ADTRP: variants seen among roughly 807,000 people sequenced by gnomAD.
ADTRP encodes androgen dependent TFPI regulating protein, also known as androgen-dependent TFPI-regulating protein.
Under a neutral mutation model 27.0 loss-of-function variants are expected in ADTRP, and 20 were observed. That is an observed-to-expected ratio of 0.74 (90% CI 0.52 to 1.08). The LOEUF (loss-of-function observed/expected upper bound fraction) is 1.08, where lower values mean the gene tolerates loss of function less well. Among genes scored for constraint, ADTRP ranks in the 50% least tolerant of loss-of-function variants. ADTRP has a pLI of 0.00. For missense variants in ADTRP, 251 were observed against 275.0 expected (o/e 0.91, Z 0.62); for synonymous variants, 101 against 105.2 (o/e 0.96, Z 0.25).
intron 3 of ADTRP, among the ~76,000 whole-genome samples, chr6:11,747,444 A>G (rs1762903572): frequency 6.6e-6 from 1 of 152,142 alleles, no homozygotes; most frequent in African/African-American, 2.4e-5. Flanking sequence ...CTGAATTTTC[A>G]TGGGTAAATT....
chr6:11,740,073 G>A (rs1477445147), intron 3 of ADTRP, among the ~76,000 whole-genome samples: 1 of 152,126 alleles, frequency 6.6e-6, no homozygotes, highest in South Asian at 2.1e-4. Context: ...TAAATACACT[G>A]ACTTTGACCC....
intron 3 of ADTRP, chr6:11,736,220 AACACACAC>A (rs35684305): frequency 6.3e-6 from 1 of 159,214 alleles, no homozygotes; most frequent in Non-Finnish European, 1.4e-5. Context: ...CCTCTCCTAA[AACACACAC>A]ACACACACAC....
At chr6:11,723,657 G>A (rs1388871165) in intron 4 of ADTRP, among the ~76,000 whole-genome samples, 157 bp from the exon 5 acceptor site, 1 of 152,196 alleles carries the variant, frequency 6.6e-6, no homozygotes, top group East Asian at 1.9e-4. Flanking sequence ...CTAAAGAAGT[G>A]AGGCTTTTCT....
intron 3 of ADTRP, among the ~76,000 whole-genome samples, chr6:11,758,849 A>G (rs1351784508): frequency 6.6e-6 from 1 of 152,104 alleles, no homozygotes; most frequent in East Asian, 1.9e-4. Flanking sequence ...TCTGGCTGCA[A>G]AAAGGAACAT....
At chr6:11,770,178 G>C (rs1193452369) in intron 1 of ADTRP, 50 of 1,214,694 alleles carry the variant, frequency 4.1e-5, no homozygotes, top group Non-Finnish European at 5.9e-5. Flanking sequence ...ATTATCTCCA[G>C]GTGGGAGAAT....
chr6:11,734,888 T>C (rs923096924), intron 4 of ADTRP, among the ~76,000 whole-genome samples: 2 of 152,196 alleles, frequency 1.3e-5, no homozygotes, highest in African/African-American at 4.8e-5. Flanking sequence ...GCCTCTTTCT[T>C]TCAGAAGGAA....
chr6:11,769,859 C>T (rs1763707295), intron 1 of ADTRP, among the ~76,000 whole-genome samples: 1 of 151,818 alleles, frequency 6.6e-6, no homozygotes, highest in Admixed American at 6.6e-5. Flanking sequence ...TGAATGAGAC[C>T]CAAGTTTAGC....
At chr6:11,763,904 A>T (rs1326932638) in intron 3 of ADTRP, among the ~76,000 whole-genome samples, 1 of 152,232 alleles carries the variant, frequency 6.6e-6, no homozygotes, top group Non-Finnish European at 1.5e-5. Context: ...CCTGAGGCCA[A>T]TTTTGCTGAT....
intron 3 of ADTRP, among the ~76,000 whole-genome samples, chr6:11,763,531 C>T (rs1763457525): frequency 6.6e-6 from 1 of 152,200 alleles, no homozygotes; most frequent in Non-Finnish European, 1.5e-5. Context: ...CATGCAGAGG[C>T]ACCTAGTACC....
At chr6:11,740,829 G>C (rs1332338888) in intron 3 of ADTRP, among the ~76,000 whole-genome samples, 1 of 152,178 alleles carries the variant, frequency 6.6e-6, no homozygotes, top group East Asian at 1.9e-4. Context: ...CATCATTAAA[G>C]ATACAGTTTT....
At chr6:11,762,573 A>C (rs767498215) in intron 3 of ADTRP, among the ~76,000 whole-genome samples, 44 of 151,906 alleles carry the variant, frequency 2.9e-4, no homozygotes, top group Non-Finnish European at 5.9e-4. Flanking sequence ...TTGTTTTGAA[A>C]CCCCCCTTAA....
In ADTRP at chr6:11,723,520, G is replaced by A. The variant is rs746573500; in HGVS notation, c.507-20C>T. 28 of 1,612,888 alleles carry A rather than the reference G, an allele frequency of 1.7e-5. No homozygotes were observed. Among genetic ancestry groups the A allele is most frequent in the African/African-American group, 1.5e-4 (11 of 74,916 alleles). ...AGGATGCTGCAGGAAATAAGAAGTC[G>A]TGGTGGTTATAGCAGGAGGAGAAAA... On this transcript the variant is annotated intron_variant, in intron 4 of 5. Coordinates refer to ENST00000414691, the MANE Select transcript of ADTRP (RefSeq NM_032744.4).
chr6:11,768,015 G>A (rs1241839329), intron 2 of ADTRP, among the ~76,000 whole-genome samples: 1 of 152,108 alleles, frequency 6.6e-6, no homozygotes, highest in African/African-American at 2.4e-5. Context: ...CGGCAATAAG[G>A]ACCTTGTACC....
Position 11,714,192 on chromosome 6 carries a change from T to C in ADTRP, c.*286A>G. The C allele has an allele frequency of 2.5e-6, 1 of 402,782 alleles. No homozygotes were observed. 25.0% of individuals were successfully genotyped at this position (402,782 alleles called of 1,614,324 possible). On this transcript the variant is annotated 3_prime_UTR_variant, in exon 6 of 6. Transcript: ENST00000414691. ...TCTCTAACACCAAGTTTATGTGAGTTTCTTTGGCCAGATTTTAACCAGAGA... is the reference window on the plus strand; with the variant it reads ...TCTCTAACACCAAGTTTATGTGAGTCTCTTTGGCCAGATTTTAACCAGAGA...
At chr6:11,754,459 A>G (rs1763152774) in intron 3 of ADTRP, among the ~76,000 whole-genome samples, 2 of 152,182 alleles carry the variant, frequency 1.3e-5, no homozygotes, top group South Asian at 4.1e-4. Flanking sequence ...GCAGAGCTGA[A>G]AATTCAGAAA....
chr6:11,765,571 A>G (rs1017689482), intron 3 of ADTRP, among the ~76,000 whole-genome samples: 2 of 151,998 alleles, frequency 1.3e-5, no homozygotes, highest in African/African-American at 2.4e-5. Flanking sequence ...GTGGAGATAC[A>G]TTTGTAAGTA....
At chr6:11,759,605 T>C (rs1763335503) in intron 3 of ADTRP, among the ~76,000 whole-genome samples, 2 of 152,174 alleles carry the variant, frequency 1.3e-5, no homozygotes, top group South Asian at 4.1e-4. Context: ...AGGGTTACAA[T>C]GCAGAGACCT....
chr6:11,725,153 G>C (rs771316479), intron 4 of ADTRP, among the ~76,000 whole-genome samples: 1 of 152,152 alleles, frequency 6.6e-6, no homozygotes, highest in Non-Finnish European at 1.5e-5. Context: ...CCGGGAGTAG[G>C]GTGAAGCAAG....
chr6:11,735,595 G>T lies in ADTRP; in HGVS notation c.479C>A (p.Ala160Asp). ...GCTGATGTAAGCAATGCTGGCAGCAGCCAGCAAGGTGAGTCCTGTCTTCTT... is the reference window on the plus strand; with the variant it reads ...GCTGATGTAAGCAATGCTGGCAGCATCCAGCAAGGTGAGTCCTGTCTTCTT... ...PSKKTGLTLL[A>D]AASIAYISRI... The change falls in exon 4 of 6, where the codon GCT becomes GAT. Residue 160 changes from alanine (A) to aspartate (D), a missense_variant. Physicochemically the swap from Ala to Asp is moderately radical, Grantham distance 126 (BLOSUM62 -2). Transcript: ENST00000414691. The T allele has an allele frequency of 6.2e-7, 1 of 1,613,930 alleles. No individual in the cohort carries two copies. The highest frequency in any genetic ancestry group is 8.5e-7 in the Non-Finnish European group (1 of 1,179,842).
Sources: gnomAD v4.1 joint callset for allele counts (sites outside exome capture counted in the v4.1 genomes callset) on GRCh38, gnomAD v4.1.1 for gene constraint, MANE v1.5 for transcripts, NCBI Gene and HGNC (gene_info 2026-07-23, HGNC 2026-07-21) for gene names.